CADM2: variants seen among roughly 807,000 people sequenced by gnomAD.
CADM2 encodes the protein cell adhesion molecule 2, also known as immunoglobulin superfamily member 4D.
Under a neutral mutation model 49.8 loss-of-function variants are expected in CADM2, and 12 were observed. That is an observed-to-expected ratio of 0.24 (90% CI 0.15 to 0.39). The LOEUF (loss-of-function observed/expected upper bound fraction) is 0.39, where lower values mean the gene tolerates loss of function less well. Among genes scored for constraint, CADM2 ranks in the 10% least tolerant of loss-of-function variants. CADM2 has a pLI of 1.00. For synonymous variants in CADM2, 214 were observed against 175.4 expected, an observed-to-expected ratio of 1.22 and a Z score of -1.74; for missense variants, 378 against 492.3, an observed-to-expected ratio of 0.77 and a Z score of 2.20.
chr3:85,809,320 G>A (rs1371508014), intron 3 of CADM2, among the ~76,000 whole-genome samples: 1 of 152,122 alleles, frequency 6.6e-6, no homozygotes, highest in Non-Finnish European at 1.5e-5. Context: ...GCCAGGTGAG[G>A]TGGCTCACAC....
chr3:85,292,007 A>G (rs1369757214), intron 1 of CADM2, among the ~76,000 whole-genome samples: 1 of 152,130 alleles, frequency 6.6e-6, no homozygotes, highest in Non-Finnish European at 1.5e-5. Flanking sequence ...TTGGATAAAC[A>G]GTCAAGACCC....
At chr3:85,901,337 G>A (rs1235155158) in intron 5 of CADM2, among the ~76,000 whole-genome samples, 1 of 152,196 alleles carries the variant, frequency 6.6e-6, no homozygotes, top group Non-Finnish European at 1.5e-5. Flanking sequence ...GTTGGTAATG[G>A]GAAGTTGATT....
intron 8 of CADM2, among the ~76,000 whole-genome samples, chr3:86,043,493 T>C (rs1012519018): frequency 3.9e-5 from 6 of 151,950 alleles, no homozygotes; most frequent in African/African-American, 7.3e-5. Flanking sequence ...GAGAATAAAA[T>C]ACCTAGGAAT....
intron 6 of CADM2, among the ~76,000 whole-genome samples, chr3:85,922,491 T>G (rs1719252720): frequency 1.3e-5 from 2 of 152,208 alleles, no homozygotes; most frequent in African/African-American, 2.4e-5. Flanking sequence ...ATACAAAATT[T>G]AAACAGAAAA....
chr3:86,066,690 A>G lies in CADM2; in HGVS notation c.1122A>G (p.Lys374=). Residue 374 remains lysine, a synonymous_variant, in exon 10 of 10, where the codon AAA becomes AAG. Transcript: ENST00000383699. ...GAACGTATTTAACAAATGAAGCTAA[A>G]GGAGCTGAAGATGCACCAGATGCTG... ...HKGTYLTNEA[K]GAEDAPDADT... 6.2e-7 allele frequency: 1 copy of G among 1,613,822 alleles called. No homozygotes were observed. The highest frequency in any genetic ancestry group is 8.5e-7 in the Non-Finnish European group (1 of 1,179,694).
intron 3 of CADM2, among the ~76,000 whole-genome samples, chr3:85,814,322 C>T (rs1269398594): frequency 6.6e-6 from 1 of 152,000 alleles, no homozygotes; most frequent in Non-Finnish European, 1.5e-5. Flanking sequence ...TGGGAGTTCA[C>T]TCATGATTTG....
intron 1 of CADM2, among the ~76,000 whole-genome samples, chr3:85,645,207 T>G (rs568589461): frequency 1.1e-3 from 171 of 152,254 alleles, no homozygotes; most frequent in African/African-American, 3.8e-3. Context: ...ATAAGTGATA[T>G]TCTACTTTTC....
chr3:85,708,839 G>A (rs188844457), intron 1 of CADM2, among the ~76,000 whole-genome samples: 4 of 152,044 alleles, frequency 2.6e-5, no homozygotes, highest in African/African-American at 9.6e-5. Flanking sequence ...TATACACAAA[G>A]GTTGCACGTG....
intron 1 of CADM2, among the ~76,000 whole-genome samples, chr3:85,459,543 T>C (rs1423695440): frequency 6.6e-6 from 1 of 152,200 alleles, no homozygotes; most frequent in Non-Finnish European, 1.5e-5. Flanking sequence ...AGAAAAAAGT[T>C]ACATTCTTAT....
chr3:85,322,264 C>T (rs1053284532), intron 1 of CADM2, among the ~76,000 whole-genome samples: 1 of 152,170 alleles, frequency 6.6e-6, no homozygotes. Context: ...TTGTTGTTAT[C>T]TGTTTACGGT....
Position 85,662,878 on chromosome 3 carries a change from G to T in CADM2, c.62-63644G>T, listed in dbSNP as rs1018485250. Among the ~76,000 whole-genome samples the T allele has an allele frequency of 3.9e-5, 6 of 151,910 alleles. 1 individual carries two copies. In the South Asian group the frequency reaches 6.2e-4, roughly 16 times the overall value. On this transcript the variant is annotated intron_variant, in intron 1 of 9. Transcript: ENST00000383699. ...AGAGCCAAGAACATATTTTATTTCT[G>T]GAAAATTCACAGACCCATATTATAC...
At chr3:85,475,671 T>G (rs933098301) in intron 1 of CADM2, among the ~76,000 whole-genome samples, 1 of 151,934 alleles carries the variant, frequency 6.6e-6, no homozygotes, top group African/African-American at 2.4e-5. Flanking sequence ...ATAAATAGTC[T>G]CACCAAATTG....
intron 1 of CADM2, among the ~76,000 whole-genome samples, chr3:85,714,751 A>C (rs2107747242): frequency 6.6e-6 from 1 of 151,712 alleles, no homozygotes; most frequent in South Asian, 2.1e-4. Flanking sequence ...TTTTTACTTG[A>C]CCTTATTCTG....
intron 1 of CADM2, among the ~76,000 whole-genome samples, chr3:85,124,875 C>A (rs1316291164): frequency 6.6e-6 from 1 of 151,976 alleles, no homozygotes; most frequent in East Asian, 1.9e-4. Context: ...CATAGGTACT[C>A]CAAGACAGTT....
intron 1 of CADM2, among the ~76,000 whole-genome samples, chr3:85,437,140 A>G (rs1380307500): frequency 6.6e-6 from 1 of 152,082 alleles, no homozygotes; most frequent in Admixed American, 6.6e-5. Context: ...ACTTAGAAAT[A>G]TGCATTTTAG....
At chr3:85,264,793 T>G (rs1178622358) in intron 1 of CADM2, among the ~76,000 whole-genome samples, 1 of 152,096 alleles carries the variant, frequency 6.6e-6, no homozygotes, top group Admixed American at 6.6e-5. Context: ...TTATTTGTTT[T>G]AAATATAATT....
chr3:85,583,190 C>T (rs1439295153), intron 1 of CADM2, among the ~76,000 whole-genome samples: 1 of 152,106 alleles, frequency 6.6e-6, no homozygotes, highest in African/African-American at 2.4e-5. Flanking sequence ...ATTATAAGAA[C>T]TCGAAAAGCC....
At chr3:85,924,648 CT>C (rs1398320201) in intron 6 of CADM2, among the ~76,000 whole-genome samples, 2 of 150,466 alleles carry the variant, frequency 1.3e-5, no homozygotes, top group Non-Finnish European at 3.0e-5. Context: ...AACGAAAGTG[CT>C]GATGCATTTA....
intron 1 of CADM2, among the ~76,000 whole-genome samples, chr3:85,603,988 T>C (rs2107413097): frequency 6.6e-6 from 1 of 152,060 alleles, no homozygotes; most frequent in Non-Finnish European, 1.5e-5. Context: ...AATATTTTCC[T>C]AAACCATTTC....
Sources: gnomAD v4.1 joint callset for allele counts (sites outside exome capture counted in the v4.1 genomes callset) on GRCh38, gnomAD v4.1.1 for gene constraint, MANE v1.5 for transcripts, NCBI Gene and HGNC (gene_info 2026-07-23, HGNC 2026-07-21) for gene names.